TSHZ2: variants seen among roughly 807,000 people sequenced by gnomAD.
The protein encoded by TSHZ2 is teashirt zinc finger homeobox 2.
TSHZ2 carries 21 observed loss-of-function variants against 74.4 expected under a neutral mutation model. The observed-to-expected ratio is 0.28, with a 90% CI of 0.20 to 0.41. The LOEUF (loss-of-function observed/expected upper bound fraction) is 0.41. Ranked by LOEUF, TSHZ2 falls within the 10% of genes least tolerant of loss-of-function variation. TSHZ2 has a pLI of 1.00. For missense variants in TSHZ2, 1,244 were observed against 1,293.5 expected (o/e 0.96, Z 0.59); for synonymous variants, 540 against 515.3 (o/e 1.05, Z -0.65).
At chr20:53,032,427 A>T (rs907638760) in intron 1 of TSHZ2, among the ~76,000 whole-genome samples, 1 of 152,242 alleles carries the variant, frequency 6.6e-6, no homozygotes, top group Non-Finnish European at 1.5e-5. Context: ...TCATATCCGC[A>T]GGACCCGTCT....
At chr20:52,997,983 A>T (rs549174970) in intron 1 of TSHZ2, among the ~76,000 whole-genome samples, 2 of 152,196 alleles carry the variant, frequency 1.3e-5, no homozygotes, top group East Asian at 3.9e-4. Flanking sequence ...CCCACCCCAG[A>T]CCTGCTTCAT....
intron 1 of TSHZ2, among the ~76,000 whole-genome samples, chr20:53,000,016 C>T (rs1206347299): frequency 6.6e-6 from 1 of 152,188 alleles, no homozygotes; most frequent in Non-Finnish European, 1.5e-5. Flanking sequence ...TGGTGTTATG[C>T]TAAACACTTA....
chr20:53,122,569 A>C (rs921990528), intron 1 of TSHZ2, among the ~76,000 whole-genome samples: 1 of 152,080 alleles, frequency 6.6e-6, no homozygotes, highest in South Asian at 2.1e-4. Context: ...CTCCAGCCCA[A>C]GGTGTTTGGA....
intron 2 of TSHZ2, among the ~76,000 whole-genome samples, chr20:53,341,811 A>T (rs538397041): frequency 6.6e-6 from 1 of 152,108 alleles, no homozygotes; most frequent in Non-Finnish European, 1.5e-5. Flanking sequence ...CCCGGGTTCA[A>T]GCGATTCTCC....
chr20:53,458,915 G>C (rs1432654090), intron 2 of TSHZ2, among the ~76,000 whole-genome samples: 2 of 152,148 alleles, frequency 1.3e-5, no homozygotes, highest in African/African-American at 4.8e-5. Flanking sequence ...TGATTGCACT[G>C]TGGTCTGAGA....
intron 1 of TSHZ2, among the ~76,000 whole-genome samples, chr20:53,128,328 A>G (rs1489015027): frequency 6.6e-6 from 1 of 152,158 alleles, no homozygotes; most frequent in Non-Finnish European, 1.5e-5. Flanking sequence ...AACCAGCTAC[A>G]TCCTGCTCTG....
chr20:53,232,235 A>G (rs74630946), intron 1 of TSHZ2, among the ~76,000 whole-genome samples: 5,802 of 152,230 alleles, frequency 0.038, 245 homozygotes, highest in East Asian at 0.21. Flanking sequence ...CAATGTCTCT[A>G]TCTCTTTATA....
intron 2 of TSHZ2, among the ~76,000 whole-genome samples, chr20:53,291,751 A>G (rs890519119): frequency 6.6e-6 from 1 of 152,140 alleles, no homozygotes; most frequent in Non-Finnish European, 1.5e-5. Context: ...TGCAGGGCAG[A>G]TGGCTTTCAC....
chr20:53,314,025 G>A (rs1978894241), intron 2 of TSHZ2, among the ~76,000 whole-genome samples: 1 of 152,088 alleles, frequency 6.6e-6, no homozygotes, highest in Non-Finnish European at 1.5e-5. Context: ...ATACGATGCT[G>A]GCCAGGCACG....
At chr20:53,195,173 A>G (rs894895903) in intron 1 of TSHZ2, among the ~76,000 whole-genome samples, 25 of 152,180 alleles carry the variant, frequency 1.6e-4, no homozygotes, top group Non-Finnish European at 3.1e-4. Context: ...CACCTGGTAG[A>G]AGCAAAATCC....
chr20:53,424,073 G>A (rs1289920813), intron 2 of TSHZ2, among the ~76,000 whole-genome samples: 5 of 152,352 alleles, frequency 3.3e-5, no homozygotes, highest in East Asian at 3.9e-4. Flanking sequence ...CATCAAAGTC[G>A]ATGAACTTGC....
At chr20:53,002,259 G>T (rs1000373110) in intron 1 of TSHZ2, among the ~76,000 whole-genome samples, 1 of 152,208 alleles carries the variant, frequency 6.6e-6, no homozygotes, top group African/African-American at 2.4e-5. Flanking sequence ...GCTGCTTAGA[G>T]GCCAGGCTGA....
chr20:53,085,055 C>T (rs916122097), intron 1 of TSHZ2, among the ~76,000 whole-genome samples: 1 of 151,954 alleles, frequency 6.6e-6, no homozygotes, highest in Non-Finnish European at 1.5e-5. Flanking sequence ...GCTCATGGTG[C>T]ATTTGTTAAA....
chr20:53,468,521 G>A (rs534079782), intron 2 of TSHZ2, among the ~76,000 whole-genome samples: 5 of 151,924 alleles, frequency 3.3e-5, no homozygotes, highest in African/African-American at 7.2e-5. Flanking sequence ...TGCTGGTTGC[G>A]TTCAACAGCC....
chr20:53,419,676 T>C (rs963812928), intron 2 of TSHZ2, among the ~76,000 whole-genome samples: 2 of 152,320 alleles, frequency 1.3e-5, no homozygotes, highest in Admixed American at 6.5e-5. Flanking sequence ...GGGCAGTCAA[T>C]AACAAATAGT....
intron 2 of TSHZ2, among the ~76,000 whole-genome samples, chr20:53,462,096 G>T (rs1407141390): frequency 6.6e-6 from 1 of 151,526 alleles, no homozygotes; most frequent in African/African-American, 2.4e-5. Flanking sequence ...AAGAAAAAAA[G>T]AAAAAAAACT....
At chr20:53,137,194 T>C (rs1395468831) in intron 1 of TSHZ2, among the ~76,000 whole-genome samples, 1 of 152,072 alleles carries the variant, frequency 6.6e-6, no homozygotes, top group Admixed American at 6.6e-5. Flanking sequence ...ATCTAAGAAT[T>C]AGATTTACAA....
chr20:53,193,786 G>T (rs1988797104), intron 1 of TSHZ2, among the ~76,000 whole-genome samples: 1 of 152,176 alleles, frequency 6.6e-6, no homozygotes, highest in Non-Finnish European at 1.5e-5. Flanking sequence ...GTCTCTTCTT[G>T]AGCTAAGAGG....
chr20:53,407,120 A>C (rs763339202), intron 2 of TSHZ2, among the ~76,000 whole-genome samples: 1 of 152,172 alleles, frequency 6.6e-6, no homozygotes, highest in Non-Finnish European at 1.5e-5. Context: ...TCTCTAGAAA[A>C]ATCCTAAAGA....
Sources: allele counts gnomAD v4.1 joint callset (sites outside exome capture counted in the v4.1 genomes callset), GRCh38; gene constraint gnomAD v4.1.1; transcripts MANE v1.5; gene names NCBI Gene and HGNC (gene_info 2026-07-23, HGNC 2026-07-21).